Variants in RASGEF1A observed in about 807,000 individuals in gnomAD.
The protein encoded by RASGEF1A is ras-GEF domain-containing family member 1A.
Under a neutral mutation model 56.4 loss-of-function variants are expected in RASGEF1A, and 18 were observed. The ratio of observed to expected loss-of-function variants is 0.32; its 90% CI spans 0.22 to 0.47. The LOEUF is 0.47. Ranked by LOEUF, RASGEF1A falls within the 20% of genes least tolerant of loss-of-function variation. RASGEF1A has a pLI of 1.00. For missense variants in RASGEF1A, 422 were observed against 627.1 expected, an observed-to-expected ratio of 0.67 and a Z score of 3.49; for synonymous variants, 245 against 242.6, an observed-to-expected ratio of 1.01 and a Z score of -0.09.
At chr10:43,237,992 G>A (rs1161838002) in intron 1 of RASGEF1A, among the ~76,000 whole-genome samples, 4 of 152,142 alleles carry the variant, frequency 2.6e-5, no homozygotes, top group Admixed American at 6.5e-5. Context: ...GCCCATCAGG[G>A]GAGTGGGCCA....
chr10:43,262,280 T>C (rs1355678714), intron 1 of RASGEF1A, among the ~76,000 whole-genome samples: 3 of 152,278 alleles, frequency 2.0e-5, no homozygotes, highest in African/African-American at 7.2e-5. Context: ...AGCGTTGCCA[T>C]GGCAACCAGA....
At chr10:43,221,954 C>G (rs1264304677) in intron 1 of RASGEF1A, among the ~76,000 whole-genome samples, 1 of 152,268 alleles carries the variant, frequency 6.6e-6, no homozygotes, top group Non-Finnish European at 1.5e-5. Flanking sequence ...CGGGCACATA[C>G]AGTCATGCGT....
At chr10:43,251,734 T>TC (rs995045373) in intron 1 of RASGEF1A, among the ~76,000 whole-genome samples, 1 of 152,100 alleles carries the variant, frequency 6.6e-6, no homozygotes, top group African/African-American at 2.4e-5. Flanking sequence ...GAATCCACAC[T>TC]CTCTGGCTCA....
chr10:43,197,527 G>A (rs568370529), intron 10 of RASGEF1A, among the ~76,000 whole-genome samples: 16 of 152,024 alleles, frequency 1.1e-4, no homozygotes, highest in East Asian at 5.9e-4. Flanking sequence ...GTAGGCATCC[G>A]GCAGCCCACA....
At chr10:43,209,694 G>A (rs901347312) in intron 1 of RASGEF1A, among the ~76,000 whole-genome samples, 1 of 151,782 alleles carries the variant, frequency 6.6e-6, no homozygotes, top group African/African-American at 2.4e-5. Flanking sequence ...CCCCCCACCA[G>A]GGCTAGGCAG....
chr10:43,208,786 C>A, intron 1 of RASGEF1A: 1 of 985,560 alleles, frequency 1.0e-6, no homozygotes, highest in Non-Finnish European at 1.2e-6. Flanking sequence ...GCCCACCCTG[C>A]CCAGCCACGG....
chr10:43,229,613 C>T (rs1402445909), intron 1 of RASGEF1A: 4 of 1,487,016 alleles, frequency 2.7e-6, no homozygotes, highest in Admixed American at 2.1e-5. Flanking sequence ...CGCGGCCTTG[C>T]GCCTGGGCCC....
At chr10:43,233,307 T>C (rs1840394774) in intron 1 of RASGEF1A, among the ~76,000 whole-genome samples, 1 of 152,112 alleles carries the variant, frequency 6.6e-6, no homozygotes, top group African/African-American at 2.4e-5. Context: ...TGTGCACGTG[T>C]GTGTGTGCGT....
At chr10:43,262,209 G>A (rs1421675141) in intron 1 of RASGEF1A, among the ~76,000 whole-genome samples, 1 of 152,080 alleles carries the variant, frequency 6.6e-6, no homozygotes, top group Non-Finnish European at 1.5e-5. Context: ...CCATCAGAAC[G>A]CGCCCCCTCT....
At chr10:43,198,247 C>A (rs1357561078) in intron 9 of RASGEF1A, 52 bp from the exon 10 acceptor site, 1 of 1,484,180 alleles carries the variant, frequency 6.7e-7, no homozygotes, top group Non-Finnish European at 9.2e-7. Flanking sequence ...GCCCCTCCGA[C>A]CTGCTCCAGA....
chr10:43,200,738 C>G lies in RASGEF1A; in HGVS notation c.610G>C (p.Ala204Pro). The change falls in exon 5 of 13, where the codon GCC (alanine) becomes CCC (proline). Residue 204 changes from alanine (A) to proline (P), a missense_variant. Transcript: ENST00000395810. ...CACACGCCCAGGATGTCCTTCTGGG[C>G]GGCTGGTGGCTTGGTCTTGAGGATG... The part of the protein sequence containing the change: ...GPILKTKPPA[A>P]QKDILGVCCD... The G allele has an allele frequency of 1.2e-6, 2 of 1,613,834 alleles. No individual in the cohort carries two copies. The highest frequency in any genetic ancestry group is 1.7e-6 in the Non-Finnish European group (2 of 1,180,034).
intron 1 of RASGEF1A, among the ~76,000 whole-genome samples, chr10:43,266,260 A>G (rs1387198914): frequency 1.3e-5 from 2 of 152,142 alleles, no homozygotes; most frequent in Admixed American, 1.3e-4. Context: ...TGGGGCAAAG[A>G]GAGCGTGGTC....
chr10:43,258,149 T>C (rs1175233131), intron 1 of RASGEF1A, among the ~76,000 whole-genome samples: 2 of 152,234 alleles, frequency 1.3e-5, no homozygotes, highest in African/African-American at 4.8e-5. Flanking sequence ...GAGGTCTGCC[T>C]GCTGGAGCCC....
At chr10:43,233,565 C>T (rs1447140658) in intron 1 of RASGEF1A, among the ~76,000 whole-genome samples, 1 of 152,158 alleles carries the variant, frequency 6.6e-6, no homozygotes, top group East Asian at 1.9e-4. Context: ...CACTAAACTG[C>T]GGTGTGGCAC....
intron 1 of RASGEF1A, chr10:43,207,055 A>G (rs1840006011): frequency 1.0e-6 from 1 of 985,510 alleles, no homozygotes; most frequent in Non-Finnish European, 1.2e-6. Flanking sequence ...CTGTTTCCCC[A>G]GTGCCCCAGA....
chr10:43,221,006 T>A (rs538554021), intron 1 of RASGEF1A, among the ~76,000 whole-genome samples: 18 of 152,256 alleles, frequency 1.2e-4, no homozygotes, highest in African/African-American at 4.3e-4. Context: ...ACAAAGAAGC[T>A]GCTCATGACC....
intron 3 of RASGEF1A, chr10:43,202,667 C>T (rs1457569273): frequency 8.6e-6 from 4 of 465,932 alleles, no homozygotes; most frequent in African/African-American, 8.1e-5. Flanking sequence ...CCACCCAGCC[C>T]GCAACTCTGC....
intron 4 of RASGEF1A, 149 bp downstream of exon 4, chr10:43,201,659 G>C: frequency 1.3e-6 from 1 of 774,724 alleles, no homozygotes; most frequent in Non-Finnish European, 1.9e-6. Context: ...CTGGGGGAAG[G>C]GAGGTTGAAT....
At chr10:43,246,553 G>C (rs1230015670) in intron 1 of RASGEF1A, among the ~76,000 whole-genome samples, 1 of 152,176 alleles carries the variant, frequency 6.6e-6, no homozygotes, top group Non-Finnish European at 1.5e-5. Flanking sequence ...AGACTGTGTG[G>C]TAATGGCATA....
Sources: gnomAD v4.1 joint callset for allele counts (sites outside exome capture counted in the v4.1 genomes callset) on GRCh38, gnomAD v4.1.1 for gene constraint, MANE v1.5 for transcripts, NCBI Gene and HGNC (gene_info 2026-07-23, HGNC 2026-07-21) for gene names.